The following PTPN23 variants were observed in gnomAD, a reference collection of about 807,000 sequenced individuals.
PTPN23 encodes the protein tyrosine-protein phosphatase non-receptor type 23.
A neutral mutation model predicts 156.3 loss-of-function variants in PTPN23; 72 were observed. The observed-to-expected ratio is 0.46, with a 90% CI of 0.38 to 0.56. The LOEUF is 0.56. PTPN23 is among the 20% of genes least tolerant of loss of function. PTPN23 has a pLI of 0.00. For synonymous variants in PTPN23, 957 were observed against 899.6 expected (o/e 1.06, Z -1.14); for missense variants, 1,974 against 2,171.5 (o/e 0.91, Z 1.81).
chr3:47,401,700 A>C (rs1384964909), intron 2 of PTPN23, among the ~76,000 whole-genome samples: 1 of 152,192 alleles, frequency 6.6e-6, no homozygotes, highest in Admixed American at 6.5e-5. Flanking sequence ...ATGGAGGGGT[A>C]TGATAAGAAT....
Position 47,413,058 on chromosome 3 carries a change from G to A in PTPN23, c.4784G>A (p.Arg1595Gln), listed in dbSNP as rs565230778. 4.5e-5 allele frequency: 72 copies of A among 1,612,826 alleles called. No individual in the cohort carries two copies. The highest frequency in any genetic ancestry group is 1.1e-4 in the East Asian group (5 of 44,890). Residue 1595 changes from arginine (R) to glutamine (Q), a missense_variant, in exon 25 of 25, where the codon CGG becomes CAG. Physicochemically the swap from Arg to Gln is conservative, Grantham distance 43. This residue lies in a region of PTPN23 where 484 missense variants were observed against 516.0 expected (regional missense o/e 0.94). Coordinates refer to ENST00000265562, the MANE Select transcript of PTPN23 (RefSeq NM_015466.4). ...PEAFSLDSSL[R>Q]GKQRMSKHNF... ...GCCTTCTCCCTGGACAGCTCCCTGC[G>A]GGGCAAACAGCGGATGAGCAAGCAT...
intron 2 of PTPN23, among the ~76,000 whole-genome samples, chr3:47,402,223 A>G (rs1448076874): frequency 6.6e-6 from 1 of 152,238 alleles, no homozygotes; most frequent in African/African-American, 2.4e-5. Flanking sequence ...ATACATAAAC[A>G]ATATGAAGAA....
In PTPN23 at chr3:47,407,043, A is replaced by ATG. The variant is rs1705143300; in HGVS notation, c.808-86_808-85dup. The ATG allele has an allele frequency of 6.5e-7, 1 of 1,548,656 alleles. No individual in the cohort carries two copies. The highest frequency in any genetic ancestry group is 1.4e-5 in the African/African-American group (1 of 73,540). On this transcript the variant is annotated intron_variant, in intron 9 of 24. Coordinates refer to ENST00000265562, the MANE Select transcript of PTPN23 (RefSeq NM_015466.4). This position sits in a 1 kb window ranked among gnomAD's most constrained non-coding sequence, Gnocchi z 4.0. ...TGCCTCCTGAGCTGCTTGTCATCTG[A>ATG]TGGACAGGCAGGGCCGGGTGGGAGG...
chr3:47,412,037 A>G, intron 21 of PTPN23, 57 bp from the exon 22 acceptor site: 1 of 1,608,896 alleles, frequency 6.2e-7, no homozygotes, highest in Non-Finnish European at 8.5e-7. Flanking sequence ...GGGAGGGATG[A>G]GAGCCTCAGG....
chr3:47,396,099 G>C (rs377520986), intron 1 of PTPN23, 44 bp from the exon 2 acceptor site: 1 of 1,531,758 alleles, frequency 6.5e-7, no homozygotes, highest in African/African-American at 1.4e-5. Flanking sequence ...AGGGCAAGGC[G>C]GGGGTCTTCT....
rs781711119 is a variant in PTPN23, at chr3:47,406,024, C to T, written c.524C>T (p.Thr175Met). The T allele has an allele frequency of 1.1e-5, 18 of 1,613,054 alleles. No individual in the cohort carries two copies. Among genetic ancestry groups the T allele is most frequent in the Middle Eastern group, 1.6e-4 (1 of 6,084 alleles). ...YSVDMSRQIL[T>M]LNVNLMLGQA... ...GTCGACATGAGCCGCCAGATCCTTA[C>T]GCTCAACGTCAACCTCATGCTGGTG... Residue 175 changes from threonine (T) to methionine (M), a missense_variant, in exon 6 of 25, where the codon ACG (threonine) becomes ATG (methionine). Thr to Met is a moderately conservative substitution (Grantham distance 81). Transcript: ENST00000265562. The surrounding 1 kb of genome is among the most constrained non-coding windows in gnomAD (Gnocchi z 5.8).
chr3:47,413,335 G>A lies in PTPN23; in HGVS notation c.*150G>A, dbSNP rs1206930306. ...CTGGCCCAGCCTGCACCCCTGTGGGGTGGAAATGTACTGCAGGCTCTGGGT... is the reference window on the plus strand; with the variant it reads ...CTGGCCCAGCCTGCACCCCTGTGGGATGGAAATGTACTGCAGGCTCTGGGT... On this transcript the variant is annotated 3_prime_UTR_variant, in exon 25 of 25. Coordinates refer to ENST00000265562, the MANE Select transcript of PTPN23 (RefSeq NM_015466.4). 1 of 1,119,036 alleles carries A rather than the reference G, an allele frequency of 8.9e-7. No individual in the cohort carries two copies. Among genetic ancestry groups the A allele is most frequent in the Non-Finnish European group, 1.3e-6 (1 of 786,126 alleles). The allele number at this position is 1,119,036 out of a possible 1,614,324, so 69.3% of individuals were successfully genotyped here.
In PTPN23 at chr3:47,404,999, C is replaced by A; in HGVS notation, c.288-6C>A. On this transcript the variant is annotated splice_polypyrimidine_tract_variant and splice_region_variant and intron_variant, in intron 3 of 24. Coordinates refer to ENST00000265562, the MANE Select transcript of PTPN23 (RefSeq NM_015466.4). ...CCTCGAGATAACTGGGGTGCCATGT[C>A]TGCAGGACAGAGATCTTCTCAGGCA... 1 of 1,614,194 alleles carries A rather than the reference C, an allele frequency of 6.2e-7. No homozygotes were observed.
At position 47,405,486 on chromosome 3, in the gene PTPN23, G is replaced by A. The variant is rs148044466; in HGVS notation, c.365-263G>A. 466 of 559,560 alleles carry A rather than the reference G, an allele frequency of 8.3e-4. 4 individuals carry two copies. Among genetic ancestry groups the A allele is most frequent in the African/African-American group, 7.9e-3 (416 of 52,896 alleles). 34.7% of individuals were successfully genotyped at this position (559,560 alleles called of 1,614,324 possible). On this transcript the variant is annotated intron_variant, in intron 4 of 24. Coordinates refer to ENST00000265562, the MANE Select transcript of PTPN23 (RefSeq NM_015466.4). This position sits in a 1 kb window ranked among gnomAD's most constrained non-coding sequence, Gnocchi z 4.7. Reference sequence around the variant, plus strand: ...GAAGCTTGGGGAGCCCCAGAGTTCTGTGCAAACATCCCTGAAGCTTCAAGA... The same window carrying A: ...GAAGCTTGGGGAGCCCCAGAGTTCTATGCAAACATCCCTGAAGCTTCAAGA...
At chr3:47,391,442 T>C (rs1297224686) in intron 1 of PTPN23, among the ~76,000 whole-genome samples, 1 of 152,206 alleles carries the variant, frequency 6.6e-6, no homozygotes, top group Non-Finnish European at 1.5e-5. Context: ...AAAGTGGTGA[T>C]GATAATAGTG....
Position 47,412,773 on chromosome 3 carries a change from C to T in PTPN23, c.4499C>T (p.Ala1500Val). The T allele has an allele frequency of 6.2e-7, 1 of 1,612,494 alleles. No individual in the cohort carries two copies. The highest frequency in any genetic ancestry group is 2.2e-5 in the East Asian group (1 of 44,874). The change falls in exon 25 of 25, where the codon GCC becomes GTC. Residue 1500 changes from alanine to valine, a missense_variant. Coordinates refer to ENST00000265562, the MANE Select transcript of PTPN23 (RefSeq NM_015466.4). The stretch of plus-strand genomic sequence containing the variant: ...GATGTGCCCATCAGCTCCATCCAGG[C>T]CACCATTGCCAAGCTCAGCATTCGG... ...GGDVPISSIQ[A>V]TIAKLSIRPP...
Position 47,412,951 on chromosome 3 carries a change from G to A in PTPN23, c.4677G>A (p.Lys1559=), listed in dbSNP as rs1445829873. 6.3e-7 allele frequency: 1 copy of A among 1,579,436 alleles called. No homozygotes were observed. The highest frequency in any genetic ancestry group is 1.4e-5 in the African/African-American group (1 of 69,522). Residue 1559 remains lysine (K), a synonymous_variant, in exon 25 of 25, where the codon AAG becomes AAA. Coordinates refer to ENST00000265562, the MANE Select transcript of PTPN23 (RefSeq NM_015466.4). ...CACTACCTGAGGCTCCCCAGCCTAA[G>A]GAGGAGCCGCCAGTGCCTGAAGCCC... ...SSPLPEAPQP[K]EEPPVPEAPS... is the part of the protein sequence containing the mutation.
chr3:47,406,861 CA>C lies in PTPN23; in HGVS notation c.807+112del. 1 of 1,394,188 alleles carries C rather than the reference CA, an allele frequency of 7.2e-7. No homozygotes were observed. Among genetic ancestry groups the C allele is most frequent in the Non-Finnish European group, 9.9e-7 (1 of 1,007,966 alleles). The allele number at this position is 1,394,188 out of a possible 1,614,324, so 86.4% of individuals were successfully genotyped here. On this transcript the variant is annotated intron_variant, in intron 9 of 24. Coordinates refer to ENST00000265562, the MANE Select transcript of PTPN23 (RefSeq NM_015466.4). This position sits in a 1 kb window ranked among gnomAD's most constrained non-coding sequence, Gnocchi z 5.8. ...GTGGCCTTCTCTGTCTCACCCTGGCCATCACCCTGCTGGAGGCCTGGTGTCT... is the reference window on the plus strand; with the variant it reads ...GTGGCCTTCTCTGTCTCACCCTGGCCTCACCCTGCTGGAGGCCTGGTGTCT...
intron 1 of PTPN23, among the ~76,000 whole-genome samples, chr3:47,384,726 C>T (rs1704619065): frequency 6.6e-6 from 1 of 151,668 alleles, no homozygotes; most frequent in Admixed American, 6.6e-5. Flanking sequence ...TTTTGAACTG[C>T]AGTGGCAAAC....
In PTPN23 at chr3:47,408,963, G is replaced by T. The variant is rs1705196971; in HGVS notation, c.1518G>T (p.Glu506Asp). 2 of 1,614,116 alleles carry T rather than the reference G, an allele frequency of 1.2e-6. No homozygotes were observed. Among genetic ancestry groups the T allele is most frequent in the Admixed American group, 3.3e-5 (2 of 60,014 alleles). ...GGGCCAAGTACATGGAAGTCCATGAGAAGGCCTCCTTCACCAACAGTGAGC... is the reference window on the plus strand; with the variant it reads ...GGGCCAAGTACATGGAAGTCCATGATAAGGCCTCCTTCACCAACAGTGAGC... The part of the protein sequence containing the change: ...REWAKYMEVH[E>D]KASFTNSELH... Residue 506 changes from glutamate (E) to aspartate (D), a missense_variant, in exon 16 of 25, where the codon GAG (glutamate) becomes GAT (aspartate). Coordinates refer to ENST00000265562, the MANE Select transcript of PTPN23 (RefSeq NM_015466.4).
At chr3:47,387,299 G>C (rs1172324422) in intron 1 of PTPN23, among the ~76,000 whole-genome samples, 1 of 151,066 alleles carries the variant, frequency 6.6e-6, no homozygotes, top group Non-Finnish European at 1.5e-5. Flanking sequence ...AGGCACGTTG[G>C]CTCATGCCTG....
At position 47,390,573 on chromosome 3, in the gene PTPN23, TC is replaced by T. The variant is rs370688337; in HGVS notation, c.85-5568del. 1.0e-3 allele frequency among the ~76,000 whole-genome samples: 157 copies of T among 152,294 alleles called. 3 individuals carry two copies. The highest frequency in any genetic ancestry group is 3.4e-3 in the African/African-American group (142 of 41,572). On this transcript the variant is annotated intron_variant, in intron 1 of 24. Coordinates refer to ENST00000265562, the MANE Select transcript of PTPN23 (RefSeq NM_015466.4). ...AGCTTCATACTTCCCGCTAGACTGT[TC>T]CGAGTTCTGCAGAGTCCCAGACCAT...
At position 47,411,253 on chromosome 3, in the gene PTPN23, G is replaced by A. The variant is rs1352205861; in HGVS notation, c.3455G>A (p.Arg1152His). 9.3e-6 allele frequency: 15 copies of A among 1,608,698 alleles called. No homozygotes were observed. Among genetic ancestry groups the A allele is most frequent in the Admixed American group, 1.7e-5 (1 of 59,964 alleles). ...ACCAAGGTGGATGCAGCTGAGGGTC[G>A]TCGGCCGCAGGCCCTGCGGCTGATT... The part of the protein sequence containing the change: ...QPTKVDAAEG[R>H]RPQALRLIER... The change falls in exon 20 of 25, where the codon CGT (arginine) becomes CAT (histidine). Residue 1152 changes from arginine (R) to histidine (H), a missense_variant. By Grantham distance (29) the Arg-to-His change is conservative. Around this residue, in one of 4 missense-constraint regions of PTPN23, gnomAD observed 731 missense variants for 669.1 expected, o/e 1.09. Transcript: ENST00000265562. The surrounding 1 kb of genome is among the most constrained non-coding windows in gnomAD (Gnocchi z 6.3).
At position 47,407,674 on chromosome 3, in the gene PTPN23, C is replaced by T; in HGVS notation, c.1004-23C>T. The stretch of plus-strand genomic sequence containing the variant: ...CTCAAGGACTCTGCGTGGGCCTGAT[C>T]TCCACAATTCCCACCCCCCCAGGAG... On this transcript the variant is annotated intron_variant, in intron 12 of 24. Coordinates refer to ENST00000265562, the MANE Select transcript of PTPN23 (RefSeq NM_015466.4). The surrounding 1 kb of genome is among the most constrained non-coding windows in gnomAD (Gnocchi z 4.0). The T allele has an allele frequency of 6.2e-7, 1 of 1,609,992 alleles. No individual in the cohort carries two copies.
Sources: allele counts gnomAD v4.1 joint callset (sites outside exome capture counted in the v4.1 genomes callset), GRCh38; gene constraint gnomAD v4.1.1; regional missense constraint gnomAD v4.1.1; non-coding constraint Gnocchi (gnomAD v3.1); transcripts MANE v1.5; gene names NCBI Gene and HGNC (gene_info 2026-07-23, HGNC 2026-07-21).